The following IPCEF1 variants were observed in gnomAD, a reference collection of about 807,000 sequenced individuals.
IPCEF1 encodes the protein interactor protein for cytohesin exchange factors 1.
In IPCEF1, 31 loss-of-function variants were observed where a neutral mutation model predicts 50.9. The ratio of observed to expected loss-of-function variants is 0.61; its 90% CI spans 0.46 to 0.82. The LOEUF is 0.82. Ranked by LOEUF, IPCEF1 falls within the 40% of genes least tolerant of loss-of-function variation. The probability of loss-of-function intolerance (pLI) is 0.00; values close to 1 mark genes in which losing one functional copy is unlikely to be tolerated. For missense variants in IPCEF1, 458 were observed against 514.0 expected, an observed-to-expected ratio of 0.89 and a Z score of 1.05; for synonymous variants, 181 against 192.0, an observed-to-expected ratio of 0.94 and a Z score of 0.47.
chr6:154,241,253 AAG>A (rs931432115), intron 5 of IPCEF1, among the ~76,000 whole-genome samples: 1 of 150,662 alleles, frequency 6.6e-6, no homozygotes, highest in African/African-American at 2.4e-5. Flanking sequence ...AAAAAAAAAA[AAG>A]AGAGAGAGAG....
At chr6:154,296,121 G>C (rs897009253) in intron 1 of IPCEF1, among the ~76,000 whole-genome samples, 1 of 152,160 alleles carries the variant, frequency 6.6e-6, no homozygotes. Context: ...CATTTCATGA[G>C]GATAAAGGAA....
chr6:154,316,101 GC>G (rs1783210847), intron 1 of IPCEF1, among the ~76,000 whole-genome samples: 1 of 152,100 alleles, frequency 6.6e-6, no homozygotes, highest in Non-Finnish European at 1.5e-5. Flanking sequence ...CAAGCAATCT[GC>G]CTGCCTCAGC....
intron 10 of IPCEF1, among the ~76,000 whole-genome samples, chr6:154,175,711 A>T (rs1800265692): frequency 6.6e-6 from 1 of 152,196 alleles, no homozygotes; most frequent in African/African-American, 2.4e-5. Context: ...ATCCAGGACC[A>T]GATGGATTCG....
intron 1 of IPCEF1, among the ~76,000 whole-genome samples, chr6:154,324,483 A>G (rs983439688): frequency 1.3e-5 from 2 of 152,174 alleles, no homozygotes; most frequent in Admixed American, 6.5e-5. Context: ...AGGATAATTT[A>G]TTCCTTTTTG....
chr6:154,206,967 G>C (rs1583797366), intron 9 of IPCEF1, among the ~76,000 whole-genome samples: 1 of 152,350 alleles, frequency 6.6e-6, no homozygotes, highest in Admixed American at 6.5e-5. Flanking sequence ...AATTTAAGAA[G>C]CAATGAGAAT....
intron 7 of IPCEF1, among the ~76,000 whole-genome samples, chr6:154,215,489 C>T (rs754943478): frequency 1.3e-4 from 20 of 151,964 alleles, no homozygotes; most frequent in Non-Finnish European, 2.8e-4. Context: ...GCCTGTAATC[C>T]CAGCTACTCG....
At chr6:154,265,701 G>T (rs1043085617) in intron 3 of IPCEF1, among the ~76,000 whole-genome samples, 2 of 152,130 alleles carry the variant, frequency 1.3e-5, no homozygotes, top group Non-Finnish European at 2.9e-5. Flanking sequence ...ACCATGGTAT[G>T]CAGCTTAAAC....
At chr6:154,254,724 T>C (rs901925046) in intron 3 of IPCEF1, among the ~76,000 whole-genome samples, 1 of 152,214 alleles carries the variant, frequency 6.6e-6, no homozygotes, top group Non-Finnish European at 1.5e-5. Flanking sequence ...TTTCAAACTT[T>C]CTGTGTGGTT....
Position 154,159,681 on chromosome 6 carries a change from T to A in IPCEF1, c.*147A>T. ...GGAGCCCTGGTGTATTCGGTGATTA[T>A]CTTCATCTAACGTGCATCTTTAGAT... On this transcript the variant is annotated 3_prime_UTR_variant, in exon 12 of 12. Transcript: ENST00000367220. 1.5e-6 allele frequency: 1 copy of A among 659,556 alleles called. No homozygotes were observed. Among genetic ancestry groups the A allele is most frequent in the East Asian group, 2.7e-5 (1 of 36,762 alleles). 40.9% of individuals were successfully genotyped at this position (659,556 alleles called of 1,614,324 possible).
intron 1 of IPCEF1, among the ~76,000 whole-genome samples, chr6:154,343,191 G>C (rs907288988): frequency 6.6e-6 from 1 of 152,122 alleles, no homozygotes; most frequent in African/African-American, 2.4e-5. Context: ...CCTAAAGCTG[G>C]CCTAATAAGC....
intron 6 of IPCEF1, among the ~76,000 whole-genome samples, chr6:154,221,767 G>A (rs1269605664): frequency 1.3e-5 from 2 of 152,182 alleles, no homozygotes; most frequent in South Asian, 2.1e-4. Context: ...CCAGCTACCC[G>A]GGAGGCTGAG....
chr6:154,198,469 C>T (rs1371420824), intron 10 of IPCEF1, among the ~76,000 whole-genome samples: 1 of 152,002 alleles, frequency 6.6e-6, no homozygotes, highest in Non-Finnish European at 1.5e-5. Context: ...GATAGTTGGC[C>T]TAAATAAAGG....
chr6:154,325,973 C>T (rs190030097), intron 1 of IPCEF1, among the ~76,000 whole-genome samples: 4 of 152,204 alleles, frequency 2.6e-5, no homozygotes, highest in African/African-American at 9.6e-5. Flanking sequence ...CGCTTGTAAT[C>T]CCAGCATTTT....
intron 1 of IPCEF1, among the ~76,000 whole-genome samples, chr6:154,295,042 C>CA (rs374284841): frequency 2.2e-4 from 33 of 152,104 alleles, no homozygotes; most frequent in Admixed American, 5.2e-4. Context: ...ACTAAAAATA[C>CA]AAAAAATTAG....
chr6:154,223,658 T>C (rs1779036883), intron 5 of IPCEF1, among the ~76,000 whole-genome samples: 1 of 152,242 alleles, frequency 6.6e-6, no homozygotes, highest in Admixed American at 6.5e-5. Flanking sequence ...GCATTCTTGA[T>C]ATATATGGTG....
At chr6:154,180,414 A>ATATATATATATATATATATTTTTTT (rs1241250621) in intron 10 of IPCEF1, among the ~76,000 whole-genome samples, 4 of 65,266 alleles carry the variant, frequency 6.1e-5, no homozygotes, top group African/African-American at 1.9e-4. Flanking sequence ...ATATATATAT[A>ATATATATATATATATATATTTTTTT]TTTTTTTTTT....
chr6:154,213,580 A>G (rs1030618317), intron 8 of IPCEF1, among the ~76,000 whole-genome samples: 7 of 152,224 alleles, frequency 4.6e-5, no homozygotes, highest in African/African-American at 7.2e-5. Flanking sequence ...ATCAGAAGAT[A>G]TAACTCCCTG....
At chr6:154,165,927 C>T (rs1169348715) in intron 11 of IPCEF1, among the ~76,000 whole-genome samples, 1 of 152,200 alleles carries the variant, frequency 6.6e-6, no homozygotes, top group African/African-American at 2.4e-5. Context: ...CAACTGAGAC[C>T]CTCAGTCCAG....
intron 2 of IPCEF1, among the ~76,000 whole-genome samples, chr6:154,287,923 G>A (rs1782403649): frequency 6.6e-6 from 1 of 152,082 alleles, no homozygotes; most frequent in South Asian, 2.1e-4. Context: ...AAATTTTATG[G>A]TAAATAAAGC....
Sources: gnomAD v4.1 joint callset for allele counts (sites outside exome capture counted in the v4.1 genomes callset) on GRCh38, gnomAD v4.1.1 for gene constraint, MANE v1.5 for transcripts, NCBI Gene and HGNC (gene_info 2026-07-23, HGNC 2026-07-21) for gene names.